Variants in LPO observed in about 807,000 individuals in gnomAD.
LPO encodes salivary peroxidase.
LPO carries 70 observed loss-of-function variants against 68.4 expected under a neutral mutation model. That is an observed-to-expected ratio of 1.02 (90% confidence interval 0.84 to 1.25). The LOEUF is 1.25. LPO is among the 50% of genes most tolerant of loss of function. LPO has a pLI of 0.00. For missense variants in LPO, 873 were observed against 908.4 expected, an observed-to-expected ratio of 0.96 and a Z score of 0.50; for synonymous variants, 360 against 357.6, an observed-to-expected ratio of 1.01 and a Z score of -0.08.
chr17:58,257,247 T>C (rs1970090195), intron 9 of LPO, among the ~76,000 whole-genome samples: 1 of 152,108 alleles, frequency 6.6e-6, no homozygotes, highest in African/African-American at 2.4e-5. Context: ...ATTCTATTTT[T>C]TGGTACCCAC....
Position 58,264,982 on chromosome 17 carries a change from C to T in LPO, c.1519+8C>T, listed in dbSNP as rs1436032784. 5 of 1,613,244 alleles carry T rather than the reference C, an allele frequency of 3.1e-6. No individual in the cohort carries two copies. Among genetic ancestry groups the T allele is most frequent in the South Asian group, 1.1e-5 (1 of 91,080 alleles). ...GGAGGATGGTCAAAGATGGTATGCC[C>T]TTTCAGGGAAGTGCTGTCACCTGGG... On this transcript the variant is annotated splice_region_variant and intron_variant, in intron 10 of 12. Coordinates refer to ENST00000262290, the MANE Select transcript of LPO (RefSeq NM_006151.3).
chr17:58,250,200 C>T (rs1969932658), intron 6 of LPO, among the ~76,000 whole-genome samples: 1 of 152,140 alleles, frequency 6.6e-6, no homozygotes, highest in African/African-American at 2.4e-5. Context: ...CATCCCTGTC[C>T]CTTTGTAGCG....
At chr17:58,255,301 A>G (rs1970049971) in intron 9 of LPO, among the ~76,000 whole-genome samples, 2 of 152,134 alleles carry the variant, frequency 1.3e-5, no homozygotes, top group African/African-American at 4.8e-5. Context: ...GATTTGGGTT[A>G]TTTTGATTTG....
Position 58,264,863 on chromosome 17 carries a change from G to A in LPO, c.1408G>A (p.Glu470Lys). Reference protein sequence around the residue: ...FTFAFRFGHLEVPSSMFRLDE... With the variant: ...FTFAFRFGHLKVPSSMFRLDE... ...CTTCGCCTTCCGCTTTGGCCACTTG[G>A]AGGTCCCCTCTAGTATGTTCCGCCT... The change falls in exon 10 of 13, where the codon GAG (glutamate) becomes AAG (lysine). Residue 470 changes from glutamate to lysine, a missense_variant. Coordinates refer to ENST00000262290, the MANE Select transcript of LPO (RefSeq NM_006151.3). 1 of 1,614,208 alleles carries A rather than the reference G, an allele frequency of 6.2e-7. No homozygotes were observed. Among genetic ancestry groups the A allele is most frequent in the South Asian group, 1.1e-5 (1 of 91,076 alleles).
intron 1 of LPO, 93 bp from the exon 2 acceptor site, chr17:58,242,885 G>A (rs1030100905): frequency 3.1e-5 from 30 of 982,472 alleles, no homozygotes; most frequent in Non-Finnish European, 4.9e-5. Context: ...TAGGGTGTCT[G>A]GTGCTCCTTT....
chr17:58,249,669 A>G lies in LPO; in HGVS notation c.547A>G (p.Thr183Ala), dbSNP rs1487581759. Residue 183 changes from threonine to alanine, a missense_variant, in exon 6 of 13, where the codon ACG (threonine) becomes GCG (alanine). By Grantham distance (58) the Thr-to-Ala change is moderately conservative. Coordinates refer to ENST00000262290, the MANE Select transcript of LPO (RefSeq NM_006151.3). ...SLPFGWTPGK[T>A]RNGFPLPLAR... ...GCCCTTCGGCTGGACGCCGGGGAAG[A>G]CGCGCAACGGCTTCCCTCTCCCGCT... is the stretch of plus-strand genomic sequence containing the variant. 1.3e-6 allele frequency: 2 copies of G among 1,581,896 alleles called. No individual in the cohort carries two copies. Among genetic ancestry groups the G allele is most frequent in the Non-Finnish European group, 1.7e-6 (2 of 1,170,638 alleles).
At chr17:58,252,640 A>T (rs1969984077) in intron 8 of LPO, 134 bp downstream of exon 8, 1 of 839,472 alleles carries the variant, frequency 1.2e-6, no homozygotes, top group South Asian at 1.8e-5. Flanking sequence ...GTGGTCCAGG[A>T]CTAGCAGAAG....
intron 1 of LPO, among the ~76,000 whole-genome samples, chr17:58,239,149 G>T (rs1969710549): frequency 1.3e-5 from 2 of 151,734 alleles, no homozygotes; most frequent in Admixed American, 1.3e-4. Context: ...ATGAAATCTG[G>T]CCTCTCCACT....
chr17:58,238,798 T>C (rs1239185273), intron 1 of LPO, 59 bp downstream of exon 1: 1 of 152,240 alleles, frequency 6.6e-6, no homozygotes, highest in East Asian at 1.9e-4. Flanking sequence ...TGAAATTTCC[T>C]AACGTCTTCT....
At chr17:58,256,440 G>A (rs1048131281) in intron 9 of LPO, among the ~76,000 whole-genome samples, 1 of 150,272 alleles carries the variant, frequency 6.7e-6, no homozygotes, top group African/African-American at 2.5e-5. Context: ...AATTTTGTGG[G>A]TACATAGTAG....
chr17:58,255,059 T>C, intron 9 of LPO, 88 bp downstream of exon 9: 4 of 1,394,646 alleles, frequency 2.9e-6, no homozygotes, highest in Non-Finnish European at 3.9e-6. Context: ...CCTCAGGCTC[T>C]CTCCTCTGTT....
rs1970310946 is a variant in LPO, at chr17:58,268,145, C to A, written c.*151C>A. 3.9e-6 allele frequency: 3 copies of A among 773,900 alleles called. No homozygotes were observed. Among genetic ancestry groups the A allele is most frequent in the African/African-American group, 3.5e-5 (2 of 57,078 alleles). The allele number at this position is 773,900 out of a possible 1,614,324, so 47.9% of individuals were successfully genotyped here. A position where few individuals can be genotyped will look rare whatever the true frequency, so the allele number is the denominator to read the frequency against. On this transcript the variant is annotated 3_prime_UTR_variant, in exon 13 of 13. Coordinates refer to ENST00000262290, the MANE Select transcript of LPO (RefSeq NM_006151.3). ...CCCCTGGATGAACAGCTTGCTCAGG[C>A]CCCAGGGTGGCTGCCTCGGCCCTCC...
At chr17:58,258,280 T>G (rs1286325525) in intron 9 of LPO, among the ~76,000 whole-genome samples, 1 of 152,232 alleles carries the variant, frequency 6.6e-6, no homozygotes, top group African/African-American at 2.4e-5. Context: ...TTTGAGGTCT[T>G]AGATTTGTCT....
At chr17:58,253,057 G>GAAAGA (rs1206058796) in intron 8 of LPO, among the ~76,000 whole-genome samples, 1 of 118,956 alleles carries the variant, frequency 8.4e-6, no homozygotes, top group Admixed American at 8.3e-5. Context: ...AAGAAAGAAA[G>GAAAGA]AAAGAAAAGA....
chr17:58,259,903 C>G (rs1470951361), intron 9 of LPO, among the ~76,000 whole-genome samples: 1 of 152,110 alleles, frequency 6.6e-6, no homozygotes, highest in Non-Finnish European at 1.5e-5. Flanking sequence ...CTCACTGCAA[C>G]CTCCCGGGTT....
At chr17:58,248,031 C>T (rs1212662954) in intron 4 of LPO, among the ~76,000 whole-genome samples, 1 of 151,792 alleles carries the variant, frequency 6.6e-6, no homozygotes, top group Admixed American at 6.5e-5. Flanking sequence ...CCACATGTGT[C>T]AGGGGGATTT....
chr17:58,266,441 A>C (rs2143950766), intron 11 of LPO, 115 bp downstream of exon 11: 3 of 1,223,090 alleles, frequency 2.5e-6, no homozygotes, highest in Non-Finnish European at 3.3e-6. Flanking sequence ...TCTGAAACAA[A>C]AGTCAGGCCA....
chr17:58,245,490 C>T (rs563884485), intron 3 of LPO, among the ~76,000 whole-genome samples: 4 of 152,210 alleles, frequency 2.6e-5, no homozygotes, highest in East Asian at 1.9e-4. Context: ...CTGGGAGCAT[C>T]GGGCCCACTC....
intron 9 of LPO, among the ~76,000 whole-genome samples, chr17:58,264,510 C>T (rs763995261): frequency 1.7e-4 from 26 of 152,154 alleles, no homozygotes; most frequent in Admixed American, 2.0e-4. Context: ...TATGTTGAGA[C>T]AAATCGTAAG....
Sources: gnomAD v4.1 joint callset for allele counts (sites outside exome capture counted in the v4.1 genomes callset) on GRCh38, gnomAD v4.1.1 for gene constraint, MANE v1.5 for transcripts, NCBI Gene and HGNC (gene_info 2026-07-23, HGNC 2026-07-21) for gene names.